NOD1: variants seen among roughly 807,000 people sequenced by gnomAD.
NOD1 encodes nucleotide-binding oligomerization domain-containing protein 1.
In NOD1, 70 loss-of-function variants were observed where a neutral mutation model predicts 81.2. That is an observed-to-expected ratio of 0.86 (90% CI 0.71 to 1.05). The LOEUF is 1.05. Among genes scored for constraint, NOD1 ranks in the 50% least tolerant of loss-of-function variants. NOD1 has a pLI of 0.00. For missense variants in NOD1, 1,233 were observed against 1,228.0 expected (o/e 1.00, Z -0.06); for synonymous variants, 508 against 526.9 (o/e 0.96, Z 0.49).
At chr7:30,437,209 C>T (rs934878077) in intron 10 of NOD1, among the ~76,000 whole-genome samples, 2 of 151,912 alleles carry the variant, frequency 1.3e-5, no homozygotes, top group Non-Finnish European at 2.9e-5. Context: ...GAACAACACA[C>T]ACCAGGGCCT....
Position 30,429,414 on chromosome 7 carries a change from C to G in NOD1, c.2749G>C (p.Ala917Pro). The G allele has an allele frequency of 6.2e-7, 1 of 1,614,162 alleles. No individual in the cohort carries two copies. Among genetic ancestry groups the G allele is most frequent in the Non-Finnish European group, 8.5e-7 (1 of 1,180,000 alleles). Residue 917 changes from alanine (A) to proline (P), a missense_variant, in exon 13 of 14, where the codon GCA (alanine) becomes CCA (proline). Transcript: ENST00000222823. The stretch of plus-strand genomic sequence containing the variant: ...CCAGTGTTGCTCTGTAACGCATCTG[C>G]CAGCTGGGCAGTCCCCTTAGCTGTG... Reference protein sequence around the residue: ...QITAKGTAQLADALQSNTGIT... With the variant: ...QITAKGTAQLPDALQSNTGIT...
intron 3 of NOD1, among the ~76,000 whole-genome samples, 158 bp from the exon 4 acceptor site, chr7:30,457,200 G>A (rs529611926): frequency 2.6e-4 from 39 of 152,238 alleles, no homozygotes; most frequent in African/African-American, 8.7e-4. Flanking sequence ...TAATCCCAGC[G>A]CTTTGGGAGG....
At chr7:30,436,579 A>ATT (rs1014474768) in intron 10 of NOD1, among the ~76,000 whole-genome samples, 2 of 152,234 alleles carry the variant, frequency 1.3e-5, no homozygotes, top group African/African-American at 4.8e-5. Context: ...GTGCATCCCC[A>ATT]TTTATAGAGA....
At chr7:30,458,461 T>C (rs1222946320) in intron 3 of NOD1, among the ~76,000 whole-genome samples, 2 of 152,228 alleles carry the variant, frequency 1.3e-5, no homozygotes, top group East Asian at 1.9e-4. Context: ...GCCACATCTG[T>C]TAACATTCAG....
At chr7:30,453,818 TG>T (rs1306642123) in intron 5 of NOD1, among the ~76,000 whole-genome samples, 1 of 152,268 alleles carries the variant, frequency 6.6e-6, no homozygotes, top group Non-Finnish European at 1.5e-5. Context: ...AGCCAATCCC[TG>T]GGCCGTAGGC....
At chr7:30,455,010 T>G in intron 5 of NOD1, 127 bp downstream of exon 5, 2 of 913,456 alleles carry the variant, frequency 2.2e-6, no homozygotes, top group Non-Finnish European at 3.3e-6. Flanking sequence ...AGCTGTTCCT[T>G]TCTAAAATCA....
intron 8 of NOD1, chr7:30,446,428 G>A (rs1453198876): frequency 6.9e-6 from 4 of 579,450 alleles, no homozygotes; most frequent in Non-Finnish European, 1.2e-5. Flanking sequence ...TCCTCTCCAG[G>A]AGATGGTCCA....
At chr7:30,473,185 C>T (rs1489887022) in intron 1 of NOD1, among the ~76,000 whole-genome samples, 1 of 152,174 alleles carries the variant, frequency 6.6e-6, no homozygotes, top group East Asian at 1.9e-4. Context: ...GAGAATTTGC[C>T]TTTCTGGGCC....
intron 11 of NOD1, among the ~76,000 whole-genome samples, chr7:30,435,283 A>G (rs1234073557): frequency 3.3e-5 from 5 of 152,204 alleles, no homozygotes; most frequent in Non-Finnish European, 5.9e-5. Flanking sequence ...CCAAACCCTG[A>G]TGTGAAGACC....
At chr7:30,433,562 T>A (rs1784133014) in intron 11 of NOD1, 1 of 241,300 alleles carries the variant, frequency 4.1e-6, no homozygotes, top group Admixed American at 4.9e-5. Flanking sequence ...CAGTGTGTTA[T>A]CCAAGTTAGT....
In NOD1 at chr7:30,452,599, A is replaced by G. The variant is rs746827746; in HGVS notation, c.818T>C (p.Leu273Pro). The G allele has an allele frequency of 1.9e-6, 3 of 1,613,580 alleles. No homozygotes were observed. The highest frequency in any genetic ancestry group is 4.5e-5 in the East Asian group (2 of 44,896). ...RDPEEVFAFL[L>P]RFPHVALFTF... is the part of the protein sequence containing the mutation. ...GAAGAGGGCCACGTGGGGGAAGCGC[A>G]GCAGGAAGGCAAACACCTCCTCGGG... Residue 273 changes from leucine to proline, a missense_variant, in exon 6 of 14, where the codon CTG becomes CCG. By Grantham distance (98) the Leu-to-Pro change is moderately conservative. Coordinates refer to ENST00000222823, the MANE Select transcript of NOD1 (RefSeq NM_006092.4).
chr7:30,435,940 A>G, intron 11 of NOD1, 58 bp downstream of exon 11: 1 of 1,441,686 alleles, frequency 6.9e-7, no homozygotes. Flanking sequence ...CCTGGACGAC[A>G]AAGCAAGACC....
At position 30,456,917 on chromosome 7, in the gene NOD1, T is replaced by G. The variant is rs764253327; in HGVS notation, c.5A>C (p.Glu2Ala). Reference protein sequence around the residue: MEEQGHSEMEII... With the variant: MAEQGHSEMEII... ...TTCCATCTCACTGTGGCCCTGCTCTTCCATAGTTAAAGTAGCAAGCGGCTA... is the reference window on the plus strand; with the variant it reads ...TTCCATCTCACTGTGGCCCTGCTCTGCCATAGTTAAAGTAGCAAGCGGCTA... The change falls in exon 4 of 14, where the codon GAA (glutamate) becomes GCA (alanine). Residue 2 changes from glutamate to alanine, a missense_variant. Transcript: ENST00000222823. The G allele has an allele frequency of 6.2e-7, 1 of 1,613,986 alleles. No individual in the cohort carries two copies. Among genetic ancestry groups the G allele is most frequent in the South Asian group, 1.1e-5 (1 of 91,074 alleles).
At chr7:30,461,197 G>A (rs934350900) in intron 1 of NOD1, among the ~76,000 whole-genome samples, 22 of 152,252 alleles carry the variant, frequency 1.4e-4, no homozygotes, top group Non-Finnish European at 2.1e-4. Flanking sequence ...TTTTTGAGAT[G>A]AAGTCTCACT....
At position 30,425,802 on chromosome 7, in the gene NOD1, T is replaced by G. The variant is rs1783398001; in HGVS notation, c.2790-92A>C. ...AAGGTGTGTTCATAGCACACACTCGTGTATCACACAATACACATGTATCCC... is the reference window on the plus strand; with the variant it reads ...AAGGTGTGTTCATAGCACACACTCGGGTATCACACAATACACATGTATCCC... On this transcript the variant is annotated intron_variant, in intron 13 of 13. Transcript: ENST00000222823. The G allele has an allele frequency of 4.7e-6, 4 of 854,894 alleles. No individual in the cohort carries two copies. The Admixed American group carries it at 6.9e-5, about 15-fold the overall frequency. The allele number at this position is 854,894 out of a possible 1,614,324, so 53.0% of individuals were successfully genotyped here. A position where few individuals can be genotyped will look rare whatever the true frequency, so the allele number is the denominator to read the frequency against.
chr7:30,446,676 G>T, intron 8 of NOD1: 3 of 423,556 alleles, frequency 7.1e-6, no homozygotes, highest in Non-Finnish European at 1.3e-5. Context: ...AACCCGACAG[G>T]AAACTCCCTT....
At chr7:30,469,929 G>A (rs1170819724) in intron 1 of NOD1, among the ~76,000 whole-genome samples, 1 of 148,616 alleles carries the variant, frequency 6.7e-6, no homozygotes. Flanking sequence ...GTCAGAATGG[G>A]AAAAGGGTAG....
At chr7:30,439,428 G>C (rs1219646144) in intron 9 of NOD1, among the ~76,000 whole-genome samples, 1 of 141,426 alleles carries the variant, frequency 7.1e-6, no homozygotes, top group Non-Finnish European at 1.5e-5. Context: ...GCAGGGCGAG[G>C]CATTGCCTCA....
intron 13 of NOD1, among the ~76,000 whole-genome samples, chr7:30,428,280 C>T (rs1231881469): frequency 6.6e-6 from 1 of 152,098 alleles, no homozygotes; most frequent in Non-Finnish European, 1.5e-5. Context: ...AGGCTGGTCT[C>T]AAACTCCTGT....
Sources: gnomAD v4.1 joint callset for allele counts (sites outside exome capture counted in the v4.1 genomes callset) on GRCh38, gnomAD v4.1.1 for gene constraint, MANE v1.5 for transcripts, NCBI Gene and HGNC (gene_info 2026-07-23, HGNC 2026-07-21) for gene names.